KLHL32: variants seen among roughly 807,000 people sequenced by gnomAD.
KLHL32 encodes kelch like family member 32.
A neutral mutation model predicts 64.8 loss-of-function variants in KLHL32; 35 were observed. That is an observed-to-expected ratio of 0.54 (90% CI 0.41 to 0.72). The LOEUF is 0.72. Among genes scored for constraint, KLHL32 ranks in the 30% least tolerant of loss-of-function variants. The pLI is 0.00. For missense variants in KLHL32, 589 were observed against 768.5 expected, an observed-to-expected ratio of 0.77 and a Z score of 2.76; for synonymous variants, 259 against 281.0, an observed-to-expected ratio of 0.92 and a Z score of 0.78.
chr6:96,899,945 AAC>A, the KLHL32 span, among the ~76,000 whole-genome samples: 1 of 152,236 alleles, frequency 6.6e-6, no homozygotes, highest in Admixed American at 6.5e-5. Context: ...GGGTCTTGAC[AAC>A]ACACTAGAAT....
At chr6:96,978,237 C>G (rs568028576) in intron 3 of KLHL32, among the ~76,000 whole-genome samples, 3 of 152,192 alleles carry the variant, frequency 2.0e-5, no homozygotes, top group Admixed American at 2.0e-4. Context: ...ATTATTTCAT[C>G]ACCCAGGTAA....
At chr6:97,110,668 G>A (rs960750371) in intron 6 of KLHL32, among the ~76,000 whole-genome samples, 22 of 152,172 alleles carry the variant, frequency 1.4e-4, no homozygotes, top group African/African-American at 5.3e-4. Context: ...TCTGTTATCT[G>A]AACAGGGAAG....
chr6:97,120,371 C>T (rs1418228858), intron 7 of KLHL32, among the ~76,000 whole-genome samples: 1 of 151,976 alleles, frequency 6.6e-6, no homozygotes, highest in African/African-American at 2.4e-5. Context: ...AGGAGAGTGA[C>T]CTTGGAATAA....
intron 2 of KLHL32, among the ~76,000 whole-genome samples, chr6:96,970,353 C>A (rs1282831098): frequency 6.6e-6 from 1 of 152,180 alleles, no homozygotes; most frequent in African/African-American, 2.4e-5. Context: ...TCTCCTTTGT[C>A]CCTAGCTGTT....
chr6:97,085,128 A>G lies in KLHL32; in HGVS notation c.414A>G (p.Glu138=), dbSNP rs1200890886. ...CATTTTTATTTTTTGGCACCCAGGA[A>G]TTAAATAGCTTTAATTACTTGGATC... The part of the protein sequence containing the change: ...LNLCSHYLIQ[E]LNSFNYLDLY... The change falls in exon 6 of 11, where the codon GAA becomes GAG. Residue 138 remains glutamate, a splice_region_variant and synonymous_variant. Transcript: ENST00000369261. 6.2e-7 allele frequency: 1 copy of G among 1,610,404 alleles called. No homozygotes were observed. The highest frequency in any genetic ancestry group is 1.1e-5 in the South Asian group (1 of 90,508).
chr6:96,916,968 C>T, the KLHL32 span, among the ~76,000 whole-genome samples: 1 of 152,152 alleles, frequency 6.6e-6, no homozygotes, highest in Non-Finnish European at 1.5e-5. Context: ...TAATAAACTA[C>T]TGTAATAGGA....
At chr6:96,961,606 A>G (rs1037212328) in intron 1 of KLHL32, among the ~76,000 whole-genome samples, 2 of 151,690 alleles carry the variant, frequency 1.3e-5, no homozygotes, top group African/African-American at 4.8e-5. Context: ...GGCCAGGGAA[A>G]TAAATCTCAG....
chr6:97,033,679 A>AC (rs1383488912), intron 3 of KLHL32, among the ~76,000 whole-genome samples: 1 of 151,998 alleles, frequency 6.6e-6, no homozygotes, highest in African/African-American at 2.4e-5. Flanking sequence ...CTACAACCTC[A>AC]CCAACACTTA....
At chr6:97,136,505 CTTGT>C (rs1442365350) in intron 10 of KLHL32, among the ~76,000 whole-genome samples, 4 of 152,142 alleles carry the variant, frequency 2.6e-5, no homozygotes, top group South Asian at 2.1e-4. Flanking sequence ...TGAAGGTGTT[CTTGT>C]TTATTTAGTG....
intron 8 of KLHL32, 117 bp downstream of exon 8, chr6:97,127,579 T>A: frequency 2.3e-6 from 2 of 858,688 alleles, no homozygotes; most frequent in South Asian, 3.2e-5. Context: ...TTAGCTTATA[T>A]AGAGAAAAGG....
intron 3 of KLHL32, among the ~76,000 whole-genome samples, chr6:96,997,912 G>A (rs1391028546): frequency 1.3e-5 from 2 of 152,150 alleles, no homozygotes; most frequent in Non-Finnish European, 2.9e-5. Flanking sequence ...TGGAATCAAT[G>A]TTGGATTCAT....
chr6:96,904,519 C>A, the KLHL32 span, among the ~76,000 whole-genome samples: 1 of 152,082 alleles, frequency 6.6e-6, no homozygotes, highest in Non-Finnish European at 1.5e-5. Flanking sequence ...CATGGCTAGA[C>A]ATACCAGGTT....
At chr6:96,960,807 G>C (rs978503003) in intron 1 of KLHL32, among the ~76,000 whole-genome samples, 1 of 152,176 alleles carries the variant, frequency 6.6e-6, no homozygotes, top group African/African-American at 2.4e-5. Context: ...AGCTGGAAGC[G>C]GGGGCTTCTG....
chr6:97,118,619 CAAAA>C lies in KLHL32; in HGVS notation c.1354+4122_1354+4125del, dbSNP rs376156341. Among the ~76,000 whole-genome samples, 263 of 101,284 alleles carry C rather than the reference CAAAA, an allele frequency of 2.6e-3. 2 individuals are homozygous for C. The highest frequency in any genetic ancestry group is 0.011 in the African/African-American group (249 of 21,734). The allele number at this position is 101,284 out of a possible 152,430, so 66.4% of individuals were successfully genotyped here. On this transcript the variant is annotated intron_variant, in intron 7 of 10. Coordinates refer to ENST00000369261, the MANE Select transcript of KLHL32 (RefSeq NM_052904.4). ...GGGCAAGAAAAGCGAAACTGCATCT[CAAAA>C]AAAAAAAAAAAGAATTGTAGACAAA...
intron 3 of KLHL32, among the ~76,000 whole-genome samples, chr6:97,006,417 G>A (rs141607471): frequency 2.6e-5 from 4 of 152,260 alleles, no homozygotes; most frequent in East Asian, 3.9e-4. Context: ...CATGTGAGAT[G>A]GGCCTCTTGA....
intron 5 of KLHL32, among the ~76,000 whole-genome samples, chr6:97,083,813 G>A (rs1792971451): frequency 1.3e-5 from 2 of 152,050 alleles, no homozygotes; most frequent in Admixed American, 1.3e-4. Context: ...ACTATTGTTG[G>A]GCATTTAATG....
At chr6:97,041,929 A>G (rs191234114) in intron 4 of KLHL32, among the ~76,000 whole-genome samples, 8 of 152,326 alleles carry the variant, frequency 5.3e-5, no homozygotes, top group Admixed American at 4.6e-4. Flanking sequence ...CGGTGACTCA[A>G]TCATGGCTTT....
chr6:96,898,193 A>G, the KLHL32 span, among the ~76,000 whole-genome samples: 7 of 152,240 alleles, frequency 4.6e-5, no homozygotes, highest in Non-Finnish European at 8.8e-5. Flanking sequence ...GCATTGGATA[A>G]GACTCCACGT....
At chr6:97,029,830 G>A (rs1476253969) in intron 3 of KLHL32, among the ~76,000 whole-genome samples, 1 of 152,172 alleles carries the variant, frequency 6.6e-6, no homozygotes, top group Non-Finnish European at 1.5e-5. Flanking sequence ...ACACTAAATT[G>A]AGCAAAATGT....
Sources: gnomAD v4.1 joint callset for allele counts (sites outside exome capture counted in the v4.1 genomes callset) on GRCh38, gnomAD v4.1.1 for gene constraint, MANE v1.5 for transcripts, NCBI Gene and HGNC (gene_info 2026-07-23, HGNC 2026-07-21) for gene names.